VASP: variants seen among roughly 807,000 people sequenced by gnomAD.
The protein encoded by VASP is vasodilator-stimulated phosphoprotein.
VASP carries 27 observed loss-of-function variants against 54.4 expected under a neutral mutation model. That is an observed-to-expected ratio of 0.50 (90% CI 0.37 to 0.68). VASP has a LOEUF of 0.68. VASP is among the 30% of genes least tolerant of loss of function. The pLI, the probability that VASP is intolerant of heterozygous loss-of-function variation, is 0.00. For missense variants in VASP, 488 were observed against 528.3 expected (o/e 0.92, Z 0.75); for synonymous variants, 233 against 209.8 (o/e 1.11, Z -0.96).
At chr19:45,519,875 G>A (rs1327567727) in intron 3 of VASP, among the ~76,000 whole-genome samples, 1 of 142,816 alleles carries the variant, frequency 7.0e-6, no homozygotes, top group Non-Finnish European at 1.5e-5. Flanking sequence ...GATTACAGGC[G>A]TGAGCCACTG....
At chr19:45,520,034 T>C (rs1968798248) in intron 3 of VASP, among the ~76,000 whole-genome samples, 1 of 150,972 alleles carries the variant, frequency 6.6e-6, no homozygotes, top group Non-Finnish European at 1.5e-5. Context: ...CCTGAGTAGA[T>C]GGAACTATAG....
intron 10 of VASP, 114 bp from the exon 11 acceptor site, chr19:45,524,456 T>C (rs1968915564): frequency 1.8e-6 from 2 of 1,101,024 alleles, no homozygotes; most frequent in South Asian, 2.7e-5. Flanking sequence ...CCAAAAATAC[T>C]TGGACTTGCC....
chr19:45,517,522 G>C (rs1324010307), intron 1 of VASP, 141 bp from the exon 2 acceptor site: 2 of 988,536 alleles, frequency 2.0e-6, no homozygotes, highest in African/African-American at 1.6e-5. Context: ...TGTCTCCCCC[G>C]TCTCCTTCTG....
At chr19:45,525,746 G>C in intron 11 of VASP, 200 bp from the exon 12 acceptor site, 1 of 518,006 alleles carries the variant, frequency 1.9e-6, no homozygotes, top group Non-Finnish European at 3.5e-6. Flanking sequence ...GCAGGTGACT[G>C]TGGTCCCAGC....
chr19:45,520,964 G>A (rs1031323353), intron 3 of VASP, among the ~76,000 whole-genome samples: 11 of 152,084 alleles, frequency 7.2e-5, no homozygotes, highest in Non-Finnish European at 1.2e-4. Flanking sequence ...ACTCTGTCTC[G>A]AAACAAACCA....
At chr19:45,524,443 G>T (rs775970393) in intron 10 of VASP, 127 bp from the exon 11 acceptor site, 2 of 942,250 alleles carry the variant, frequency 2.1e-6, no homozygotes, top group African/African-American at 1.7e-5. Context: ...AAAAACTGGG[G>T]CCCCAAAAAT....
intron 1 of VASP, among the ~76,000 whole-genome samples, chr19:45,515,892 G>A (rs1201494466): frequency 6.6e-6 from 1 of 152,220 alleles, no homozygotes; most frequent in Admixed American, 6.5e-5. Flanking sequence ...CTGCCCTGGA[G>A]GTGGGGACTG....
intron 9 of VASP, 64 bp from the exon 10 acceptor site, chr19:45,524,033 G>T: frequency 6.2e-7 from 1 of 1,611,994 alleles, no homozygotes; most frequent in Admixed American, 1.7e-5. Context: ...GAGGTTGGGG[G>T]AGTAAGATTG....
At chr19:45,515,470 G>A (rs561338112) in intron 1 of VASP, among the ~76,000 whole-genome samples, 1 of 152,306 alleles carries the variant, frequency 6.6e-6, no homozygotes, top group Non-Finnish European at 1.5e-5. Flanking sequence ...CCCCAGTGGT[G>A]CCCATGAGAG....
chr19:45,513,669 T>C (rs1311904573), intron 1 of VASP, among the ~76,000 whole-genome samples: 2 of 151,956 alleles, frequency 1.3e-5, no homozygotes, highest in African/African-American at 2.4e-5. Flanking sequence ...GGTTTCACCA[T>C]GTTGGCCAGG....
chr19:45,524,369 C>T lies in VASP; in HGVS notation c.957-201C>T, dbSNP rs1968913482. 9 of 668,154 alleles carry T rather than the reference C, an allele frequency of 1.3e-5. No individual in the cohort carries two copies. The South Asian group carries it at 1.5e-4, about 11-fold the overall frequency. 41.4% of individuals were successfully genotyped at this position (668,154 alleles called of 1,614,324 possible). On this transcript the variant is annotated intron_variant, in intron 10 of 12. Coordinates refer to ENST00000245932, the MANE Select transcript of VASP (RefSeq NM_003370.4). ...GCGAGCCATCATCATGCCTGCACTCCAGCCTGAGAAATAGAATGTGACTGT... is the reference window on the plus strand; with the variant it reads ...GCGAGCCATCATCATGCCTGCACTCTAGCCTGAGAAATAGAATGTGACTGT...
At chr19:45,509,293 C>T (rs375133469) in intron 1 of VASP, among the ~76,000 whole-genome samples, 1 of 152,204 alleles carries the variant, frequency 6.6e-6, no homozygotes, top group African/African-American at 2.4e-5. Context: ...CTTCCAAGTC[C>T]GCCCTGGAGA....
rs1426708122 is a variant in VASP, at chr19:45,526,819, A to AT, written c.*648dup. On this transcript the variant is annotated 3_prime_UTR_variant, in exon 13 of 13. Coordinates refer to ENST00000245932, the MANE Select transcript of VASP (RefSeq NM_003370.4). ...AACTTTTTGGAACCTCAGTTTTTTG[A>AT]TTTTTTATTTGGGTAGGTTTTGGGG... is the stretch of plus-strand genomic sequence containing the variant. The AT allele has an allele frequency of 2.6e-5, 4 of 151,154 alleles. No individual in the cohort carries two copies. The highest frequency in any genetic ancestry group is 5.9e-5 in the Non-Finnish European group (4 of 67,772). 9.4% of individuals were successfully genotyped at this position (151,154 alleles called of 1,614,324 possible).
chr19:45,519,870 CAGGCGTGAGCCACTG>C (rs1272307658), intron 3 of VASP, among the ~76,000 whole-genome samples: 2 of 134,558 alleles, frequency 1.5e-5, no homozygotes. Flanking sequence ...GCTGGGATTA[CAGGCGTGAGCCACTG>C]CGCCCGGCCT....
rs1968969572 is a variant in VASP at position 45,526,344 on chromosome 19, A to C, written c.*167A>C. The C allele has an allele frequency of 2.6e-6, 2 of 770,582 alleles. No homozygotes were observed. The highest frequency in any genetic ancestry group is 1.8e-5 in the African/African-American group (1 of 55,466). The allele number at this position is 770,582 out of a possible 1,614,324, so 47.7% of individuals were successfully genotyped here. On this transcript the variant is annotated 3_prime_UTR_variant, in exon 13 of 13. Transcript: ENST00000245932. ...CCAAGGGGGTGTGGCTTCCCTGCTC[A>C]CACCCACACTGGCTGCTGATTGGCT...
chr19:45,524,730 G>T lies in VASP; in HGVS notation c.1047+70G>T, dbSNP rs749258603. On this transcript the variant is annotated intron_variant, in intron 11 of 12. Transcript: ENST00000245932. ...GTCTGGCCCCTGCCACTGGCATGCCGTATGATCCTAGATAACATCTCAGAA... is the reference window on the plus strand; with the variant it reads ...GTCTGGCCCCTGCCACTGGCATGCCTTATGATCCTAGATAACATCTCAGAA... The T allele has an allele frequency of 2.5e-5, 36 of 1,435,064 alleles. 1 individual carries two copies. Among genetic ancestry groups the T allele is most frequent in the Non-Finnish European group, 2.1e-5 (22 of 1,030,020 alleles). 88.9% of individuals were successfully genotyped at this position (1,435,064 alleles called of 1,614,324 possible).
intron 1 of VASP, among the ~76,000 whole-genome samples, chr19:45,509,862 G>A (rs781731740): frequency 6.6e-6 from 1 of 152,330 alleles, no homozygotes; most frequent in African/African-American, 2.4e-5. Context: ...TTGGAGGGGT[G>A]GAGGAGCCTA....
intron 3 of VASP, among the ~76,000 whole-genome samples, chr19:45,518,510 C>G (rs1025103172): frequency 1.3e-5 from 2 of 151,942 alleles, no homozygotes; most frequent in Non-Finnish European, 2.9e-5. Flanking sequence ...TGCAGTGAGC[C>G]GAGATCAGGC....
At position 45,522,189 on chromosome 19, in the gene VASP, G is replaced by A. The variant is rs889922798; in HGVS notation, c.450G>A (p.Glu150=). 6.8e-6 allele frequency: 11 copies of A among 1,614,126 alleles called. No individual in the cohort carries two copies. The highest frequency in any genetic ancestry group is 9.3e-6 in the Non-Finnish European group (11 of 1,180,032). The change falls in exon 5 of 13, where the codon GAG becomes GAA. Residue 150 remains glutamate, a synonymous_variant. Transcript: ENST00000245932. Reference sequence around the variant, plus strand: ...ACAGGCAGCAGCCCGGCCCGTCGGAGCACATAGAGCGCCGGGTCTCCAATG... The same window carrying A: ...ACAGGCAGCAGCCCGGCCCGTCGGAACACATAGAGCGCCGGGTCTCCAATG... The part of the protein sequence containing the change: ...QQKRQQPGPS[E]HIERRVSNAG...
Sources: gnomAD v4.1 joint callset for allele counts (sites outside exome capture counted in the v4.1 genomes callset) on GRCh38, gnomAD v4.1.1 for gene constraint, MANE v1.5 for transcripts, NCBI Gene and HGNC (gene_info 2026-07-23, HGNC 2026-07-21) for gene names.